The following CTDSP2 variants were observed in gnomAD, a reference collection of about 807,000 sequenced individuals.
CTDSP2 encodes CTD small phosphatase 2, also known as carboxy-terminal domain RNA polymerase II polypeptide A small phosphatase 2.
In CTDSP2, 9 loss-of-function variants were observed where a neutral mutation model predicts 31.6. That is an observed-to-expected ratio of 0.28 (90% CI 0.17 to 0.50). The LOEUF (loss-of-function observed/expected upper bound fraction) is 0.50. Among genes scored for constraint, CTDSP2 ranks in the 20% least tolerant of loss-of-function variants. CTDSP2 has a pLI of 0.98. For missense variants in CTDSP2, 267 were observed against 348.5 expected (o/e 0.77, Z 1.86); for synonymous variants, 134 against 134.5 (o/e 1.00, Z 0.03).
At position 57,821,337 on chromosome 12, in the gene CTDSP2, C is replaced by G. The variant is rs1436123354; in HGVS notation, c.*2265G>C. The G allele has an allele frequency of 6.6e-6, 1 of 152,344 alleles. No individual in the cohort carries two copies. Among genetic ancestry groups the G allele is most frequent in the Non-Finnish European group, 1.5e-5 (1 of 68,040 alleles). The allele number at this position is 152,344 out of a possible 1,614,324, so 9.4% of individuals were successfully genotyped here. A position where few individuals can be genotyped will look rare whatever the true frequency, so the allele number is the denominator to read the frequency against. On this transcript the variant is annotated 3_prime_UTR_variant, in exon 8 of 8. Coordinates refer to ENST00000398073, the MANE Select transcript of CTDSP2 (RefSeq NM_005730.4). ...GCAGATGCAGCAGGGACACTCCCAC[C>G]AAGCCATCCTGGGCTTTGGTCATGG...
chr12:57,843,129 CGT>C (rs1430964675), intron 1 of CTDSP2, among the ~76,000 whole-genome samples: 1 of 152,102 alleles, frequency 6.6e-6, no homozygotes, highest in Non-Finnish European at 1.5e-5. Flanking sequence ...CTCCAAAAGG[CGT>C]GTGGGTCACT....
intron 5 of CTDSP2, 52 bp from the exon 6 acceptor site, chr12:57,824,371 C>T (rs1344729173): frequency 7.5e-7 from 1 of 1,334,550 alleles, no homozygotes; most frequent in Admixed American, 1.7e-5. Context: ...TGAAGGTTTG[C>T]AGTACTGGGT....
At chr12:57,829,984 G>A (rs1225938060) in intron 1 of CTDSP2, among the ~76,000 whole-genome samples, 2 of 152,132 alleles carry the variant, frequency 1.3e-5, no homozygotes, top group African/African-American at 2.4e-5. Flanking sequence ...TCCAGACAAC[G>A]GAGAAACCTG....
intron 1 of CTDSP2, among the ~76,000 whole-genome samples, chr12:57,844,858 A>G (rs1414935769): frequency 2.0e-5 from 3 of 151,258 alleles, no homozygotes; most frequent in Non-Finnish European, 4.4e-5. Flanking sequence ...AGGCTTATTT[A>G]AAGTCCGGCC....
chr12:57,825,897 C>T (rs1047704523), intron 5 of CTDSP2, among the ~76,000 whole-genome samples: 1 of 152,048 alleles, frequency 6.6e-6, no homozygotes, highest in Non-Finnish European at 1.5e-5. Flanking sequence ...GAGGGCATTC[C>T]GGGCAGAGAA....
Position 57,824,346 on chromosome 12 carries a change from G to A in CTDSP2, c.412-27C>T, listed in dbSNP as rs780514179. On this transcript the variant is annotated intron_variant, in intron 5 of 7. Transcript: ENST00000398073. ...TGAGGAAGAGCAGAGCAGCCTGTTG[G>A]AGGCATCCCTGTGATGAAGGTTTGC... 4.5e-6 allele frequency: 7 copies of A among 1,553,478 alleles called. No homozygotes were observed. In the South Asian group the frequency reaches 7.8e-5, roughly 17 times the overall value.
rs548944690 is a variant in CTDSP2, at chr12:57,821,541, G to C, written c.*2061C>G. Reference sequence around the variant, plus strand: ...GCCTGGCTGGGCCTAGACGGCAAAAGATTTGGCCAAGGGCTAACCCTTAGG... The same window carrying C: ...GCCTGGCTGGGCCTAGACGGCAAAACATTTGGCCAAGGGCTAACCCTTAGG... On this transcript the variant is annotated 3_prime_UTR_variant, in exon 8 of 8. Transcript: ENST00000398073. The C allele has an allele frequency of 3.1e-4, 47 of 152,782 alleles. No homozygotes were observed. Among genetic ancestry groups the C allele is most frequent in the African/African-American group, 1.1e-3 (44 of 41,596 alleles). 9.5% of individuals were successfully genotyped at this position (152,782 alleles called of 1,614,324 possible).
chr12:57,831,451 C>CA (rs1001347947), intron 1 of CTDSP2, among the ~76,000 whole-genome samples: 316 of 144,168 alleles, frequency 2.2e-3, no homozygotes, highest in Non-Finnish European at 3.2e-3. Flanking sequence ...AGACTCGTCT[C>CA]AAAAAAAAAA....
chr12:57,820,244 G>C lies in CTDSP2; in HGVS notation c.*3358C>G, dbSNP rs1956135946. The stretch of plus-strand genomic sequence containing the variant: ...CAGGCCCTACAACGTTAAAAGAATG[G>C]GGCAGCTGGCCCGACCTCTGGCCTC... On this transcript the variant is annotated 3_prime_UTR_variant, in exon 8 of 8. Transcript: ENST00000398073. 1 of 152,248 alleles carries C rather than the reference G, an allele frequency of 6.6e-6. No homozygotes were observed. The highest frequency in any genetic ancestry group is 2.4e-5 in the African/African-American group (1 of 41,416). 9.4% of individuals were successfully genotyped at this position (152,248 alleles called of 1,614,324 possible). A position where few individuals can be genotyped will look rare whatever the true frequency, so the allele number is the denominator to read the frequency against.
chr12:57,829,363 T>C lies in CTDSP2; in HGVS notation c.213+85A>G, dbSNP rs1956201293. ...AAATCTTTGCAACTTCAGGCAAAGC[T>C]TCCTTGTCCGGTTGCCATCGTCTGC... On this transcript the variant is annotated intron_variant, in intron 2 of 7. Coordinates refer to ENST00000398073, the MANE Select transcript of CTDSP2 (RefSeq NM_005730.4). 5 of 1,504,710 alleles carry C rather than the reference T, an allele frequency of 3.3e-6. No homozygotes were observed. In the South Asian group the frequency reaches 6.0e-5, roughly 18 times the overall value. The allele number at this position is 1,504,710 out of a possible 1,614,324, so 93.2% of individuals were successfully genotyped here.
At chr12:57,828,350 C>T (rs1435325950) in intron 2 of CTDSP2, among the ~76,000 whole-genome samples, 2 of 148,982 alleles carry the variant, frequency 1.3e-5, no homozygotes, top group Non-Finnish European at 3.0e-5. Context: ...ACCCGGGAGG[C>T]GGAGGTTGCG....
chr12:57,824,094 G>C lies in CTDSP2; in HGVS notation c.505-5C>G. ...GTCTGTCACAGGGTCGGCATACTAG[G>C]AGGAGAGAAGATGCCTTAGTTTGGA... On this transcript the variant is annotated splice_region_variant and splice_polypyrimidine_tract_variant and intron_variant, in intron 6 of 7. Transcript: ENST00000398073. 2 of 1,613,866 alleles carry C rather than the reference G, an allele frequency of 1.2e-6. No individual in the cohort carries two copies. Among genetic ancestry groups the C allele is most frequent in the South Asian group, 1.1e-5 (1 of 91,058 alleles).
intron 2 of CTDSP2, 79 bp from the exon 3 acceptor site, chr12:57,827,669 C>A: frequency 7.0e-7 from 1 of 1,438,076 alleles, no homozygotes; most frequent in Non-Finnish European, 9.7e-7. Flanking sequence ...CTGTCTTAAG[C>A]CTGGAGGGCA....
intron 1 of CTDSP2, among the ~76,000 whole-genome samples, chr12:57,835,071 A>T (rs1465558743): frequency 6.6e-6 from 1 of 151,408 alleles, no homozygotes; most frequent in Non-Finnish European, 1.5e-5. Flanking sequence ...ATGGTAAGCT[A>T]GAGATCATGC....
intron 1 of CTDSP2, among the ~76,000 whole-genome samples, chr12:57,831,594 C>G (rs997256720): frequency 6.6e-6 from 1 of 152,196 alleles, no homozygotes; most frequent in African/African-American, 2.4e-5. Context: ...GGTCCTTGGT[C>G]CCAGTTCTCT....
Position 57,824,023 on chromosome 12 carries a change from A to G in CTDSP2, c.571T>C (p.Ser191Pro). 1 of 1,613,802 alleles carries G rather than the reference A, an allele frequency of 6.2e-7. No individual in the cohort carries two copies. The highest frequency in any genetic ancestry group is 8.5e-7 in the Non-Finnish European group (1 of 1,179,946). The change falls in exon 7 of 8, where the codon TCT (serine) becomes CCT (proline). Residue 191 changes from serine (S) to proline (P), a missense_variant. Physicochemically the swap from Ser to Pro is moderately conservative, Grantham distance 74. This residue lies in a region of CTDSP2 where 156 missense variants were observed against 241.3 expected (regional missense o/e 0.65). Transcript: ENST00000398073. ...GVFRARLFRESCVFHQGCYVK... is the reference protein window; with the variant it reads ...GVFRARLFREPCVFHQGCYVK... ...TAGCAGCCCTGGTGGAACACGCAAG[A>G]CTCACGGAATAGGCGGGCCCGGAAC...
chr12:57,845,366 G>A (rs1956308369), intron 1 of CTDSP2: 1 of 152,182 alleles, frequency 6.6e-6, no homozygotes, highest in Admixed American at 6.5e-5. Context: ...CTCCCACTGT[G>A]ACCAAACTAA....
intron 1 of CTDSP2, among the ~76,000 whole-genome samples, chr12:57,830,156 C>T (rs934549450): frequency 2.6e-5 from 4 of 152,094 alleles, no homozygotes; most frequent in Non-Finnish European, 4.4e-5. Context: ...GAGGCCAAAG[C>T]GGGTGGAGCA....
In CTDSP2 at chr12:57,823,639, T is replaced by A. The variant is rs797007497; in HGVS notation, c.779A>T (p.Asp260Val). 1 of 1,613,986 alleles carries A rather than the reference T, an allele frequency of 6.2e-7. No homozygotes were observed. The highest frequency in any genetic ancestry group is 1.1e-5 in the South Asian group (1 of 91,070). ...PIFEELSGAEDVYTSLGQLRA... is the reference protein window; with the variant it reads ...PIFEELSGAEVVYTSLGQLRA... Reference sequence around the variant, plus strand: ...CAGCTGCCCAAGGCTGGTGTAGACGTCCTCTGCTCCGCTCAGCTCCTCAAA... The same window carrying A: ...CAGCTGCCCAAGGCTGGTGTAGACGACCTCTGCTCCGCTCAGCTCCTCAAA... Residue 260 changes from aspartate to valine, a missense_variant, in exon 8 of 8, where the codon GAC becomes GTC. Physicochemically the swap from Asp to Val is radical, Grantham distance 152. Transcript: ENST00000398073.
Sources: allele counts gnomAD v4.1 joint callset (sites outside exome capture counted in the v4.1 genomes callset), GRCh38; gene constraint gnomAD v4.1.1; regional missense constraint gnomAD v4.1.1; transcripts MANE v1.5; gene names NCBI Gene and HGNC (gene_info 2026-07-23, HGNC 2026-07-21).